Variants in ZNF451 observed in about 807,000 individuals in gnomAD.
The protein encoded by ZNF451 is E3 SUMO-protein ligase ZNF451.
Under a neutral mutation model 107.1 loss-of-function variants are expected in ZNF451, and 80 were observed. The ratio of observed to expected loss-of-function variants is 0.75; its 90% CI spans 0.62 to 0.90. The LOEUF (loss-of-function observed/expected upper bound fraction) is 0.90. Ranked by LOEUF, ZNF451 falls within the 40% of genes least tolerant of loss-of-function variation. ZNF451 has a pLI of 0.00. For synonymous variants in ZNF451, 362 were observed against 406.5 expected (o/e 0.89, Z 1.32); for missense variants, 1,107 against 1,236.2 (o/e 0.90, Z 1.57).
chr6:57,139,790 C>T (rs1009649366), intron 7 of ZNF451, among the ~76,000 whole-genome samples: 1 of 152,170 alleles, frequency 6.6e-6, no homozygotes, highest in Non-Finnish European at 1.5e-5. Context: ...TGCCTGTAAT[C>T]TCAGCACTTT....
At chr6:57,101,242 T>C (rs188982073) in intron 3 of ZNF451, 1,188 of 1,551,108 alleles carry the variant, frequency 7.7e-4, no homozygotes, top group Non-Finnish European at 9.7e-4. Context: ...AAGGGTGACA[T>C]TACAATCTGA....
chr6:57,101,477 A>C, intron 3 of ZNF451: 1 of 1,551,016 alleles, frequency 6.4e-7, no homozygotes, highest in Non-Finnish European at 8.7e-7. Context: ...GCATTAGAAC[A>C]CAGCAAAAGA....
intron 2 of ZNF451, among the ~76,000 whole-genome samples, chr6:57,096,755 A>G (rs1198496503): frequency 6.8e-6 from 1 of 146,728 alleles, no homozygotes; most frequent in Non-Finnish European, 1.5e-5. Context: ...GATCGAACAT[A>G]CAATTTTCAG....
chr6:57,107,219 A>C, intron 3 of ZNF451: 1 of 985,366 alleles, frequency 1.0e-6, no homozygotes, highest in East Asian at 1.1e-4. Flanking sequence ...CTTCTCCTGT[A>C]TTCAACACCT....
intron 3 of ZNF451, chr6:57,104,260 A>C (rs923878849): frequency 2.3e-5 from 23 of 985,282 alleles, no homozygotes; most frequent in Non-Finnish European, 2.8e-5. Context: ...GTATTGCACC[A>C]ATCAAGCAAT....
chr6:57,103,141 C>T (rs955675692), intron 3 of ZNF451: 18 of 985,302 alleles, frequency 1.8e-5, no homozygotes, highest in Admixed American at 6.1e-5. Flanking sequence ...AATCTGAACT[C>T]CTAAGACCAA....
intron 7 of ZNF451, among the ~76,000 whole-genome samples, chr6:57,138,685 A>G (rs1323558692): frequency 3.1e-5 from 4 of 130,894 alleles, no homozygotes; most frequent in Non-Finnish European, 4.7e-5. Flanking sequence ...CAGTTTGTAG[A>G]ATGTATTTGC....
intron 7 of ZNF451, 82 bp from the exon 8 acceptor site, chr6:57,141,220 A>C (rs1831740835): frequency 2.5e-6 from 3 of 1,219,268 alleles, no homozygotes; most frequent in South Asian, 2.5e-5. Context: ...ATAAACAACA[A>C]ATAGGAAATT....
intron 4 of ZNF451, 132 bp downstream of exon 4, chr6:57,124,991 T>C: frequency 2.3e-6 from 1 of 440,448 alleles, no homozygotes; most frequent in Non-Finnish European, 3.7e-6. Flanking sequence ...CTCATGAATT[T>C]AGTAGTAATT....
At chr6:57,096,114 C>A (rs1341720851) in intron 2 of ZNF451, among the ~76,000 whole-genome samples, 2 of 150,890 alleles carry the variant, frequency 1.3e-5, no homozygotes, top group Non-Finnish European at 3.0e-5. Context: ...ATGAGCCATC[C>A]TGCCTGCAGC....
intron 14 of ZNF451, among the ~76,000 whole-genome samples, chr6:57,163,095 C>T (rs1362114714): frequency 6.6e-6 from 1 of 152,138 alleles, no homozygotes; most frequent in Non-Finnish European, 1.5e-5. Flanking sequence ...CTCCTTTGCA[C>T]TTTTCTCTAA....
intron 9 of ZNF451, among the ~76,000 whole-genome samples, chr6:57,144,429 CG>C (rs1484461358): frequency 6.6e-6 from 1 of 151,228 alleles, no homozygotes; most frequent in African/African-American, 2.4e-5. Context: ...TTTGTAGAGA[CG>C]GGGTTTCACC....
chr6:57,097,749 A>G (rs1307570948), intron 2 of ZNF451, among the ~76,000 whole-genome samples: 2 of 152,050 alleles, frequency 1.3e-5, no homozygotes, highest in East Asian at 3.9e-4. Context: ...CATACTTCCC[A>G]GATTACAGGC....
In ZNF451 at chr6:57,135,738, ATTGT is replaced by A. The variant is rs973299655; in HGVS notation, c.702+875_702+878del. On this transcript the variant is annotated intron_variant, in intron 7 of 14. Coordinates refer to ENST00000370706, the MANE Select transcript of ZNF451 (RefSeq NM_001031623.3). ...ATTTAATAAATTTCCCATTGGATGT[ATTGT>A]TTGTTTTCTATTATTAAAAACTATG... Among the ~76,000 whole-genome samples, 17 of 152,080 alleles carry A rather than the reference ATTGT, an allele frequency of 1.1e-4. No individual in the cohort carries two copies. In the South Asian group the frequency reaches 1.9e-3, roughly 17 times the overall value.
chr6:57,107,369 AAG>A, intron 3 of ZNF451: 1 of 984,448 alleles, frequency 1.0e-6, no homozygotes, highest in Non-Finnish European at 1.2e-6. Flanking sequence ...GCATTATTAG[AAG>A]AGATATTCTA....
Position 57,147,419 on chromosome 6 carries a change from C to CA in ZNF451, c.1340dup (p.Lys448GlufsTer7). 1 of 1,613,514 alleles carries CA rather than the reference C, an allele frequency of 6.2e-7. No individual in the cohort carries two copies. The highest frequency in any genetic ancestry group is 1.3e-5 in the African/African-American group (1 of 74,894). Reference sequence around the variant, plus strand: ...AGCTCACTGGAGTGCATTGCCATTCCAAAAAAGAAGATGAATTTAAAAGAT... The same window carrying CA: ...AGCTCACTGGAGTGCATTGCCATTCCAAAAAAAGAAGATGAATTTAAAAGAT... On this transcript the variant is annotated frameshift_variant, in exon 10 of 15. Coordinates refer to ENST00000370706, the MANE Select transcript of ZNF451 (RefSeq NM_001031623.3). LOFTEE classifies it high-confidence loss of function.
chr6:57,138,789 A>G (rs1201666333), intron 7 of ZNF451, among the ~76,000 whole-genome samples: 1 of 69,082 alleles, frequency 1.4e-5, no homozygotes, highest in African/African-American at 4.7e-5. Context: ...ATATATATAT[A>G]AAATTTTTTT....
chr6:57,110,340 G>C (rs950391942), intron 3 of ZNF451, among the ~76,000 whole-genome samples: 1 of 152,186 alleles, frequency 6.6e-6, no homozygotes, highest in Non-Finnish European at 1.5e-5. Flanking sequence ...GCCATTACTT[G>C]TAAGGTTCTA....
In ZNF451 at chr6:57,168,455, C is replaced by G. The variant is rs935757045; in HGVS notation, c.3172C>G (p.Leu1058Val). The G allele has an allele frequency of 2.5e-6, 4 of 1,607,510 alleles. No homozygotes were observed. The African/African-American group carries it at 4.0e-5, about 16-fold the overall frequency. ...ATTAGAAGAAGCTATTAGAAGAAGT[C>G]TTGAGGAAATGTAATTAAAGATATT... is the stretch of plus-strand genomic sequence containing the variant. ...VELEEAIRRS[L>V]EEM Residue 1058 changes from leucine to valine, a missense_variant, in exon 15 of 15, where the codon CTT (leucine) becomes GTT (valine). Physicochemically the swap from Leu to Val is conservative, Grantham distance 32 (BLOSUM62 1). Coordinates refer to ENST00000370706, the MANE Select transcript of ZNF451 (RefSeq NM_001031623.3).
Sources: allele counts gnomAD v4.1 joint callset (sites outside exome capture counted in the v4.1 genomes callset), GRCh38; gene constraint gnomAD v4.1.1; transcripts MANE v1.5; gene names NCBI Gene and HGNC (gene_info 2026-07-23, HGNC 2026-07-21).